KCNN2: variants seen among roughly 807,000 people sequenced by gnomAD.
KCNN2 encodes the protein small conductance calcium-activated potassium channel protein 2.
A neutral mutation model predicts 55.5 loss-of-function variants in KCNN2; 24 were observed. That is an observed-to-expected ratio of 0.43 (90% CI 0.31 to 0.61). The LOEUF (loss-of-function observed/expected upper bound fraction) is 0.61. KCNN2 is among the 20% of genes least tolerant of loss of function. KCNN2 has a pLI of 0.08. For missense variants in KCNN2, 754 were observed against 853.6 expected (o/e 0.88, Z 1.45); for synonymous variants, 431 against 336.1 (o/e 1.28, Z -3.09).
chr5:114,178,420 T>G (rs971864336), intron 1 of KCNN2, among the ~76,000 whole-genome samples: 10 of 152,130 alleles, frequency 6.6e-5, no homozygotes, highest in African/African-American at 2.4e-4. Context: ...CAGGAAAAAC[T>G]GTATGTGGTC....
intron 3 of KCNN2, among the ~76,000 whole-genome samples, chr5:114,447,139 A>G (rs1216457889): frequency 6.6e-6 from 1 of 152,184 alleles, no homozygotes; most frequent in Non-Finnish European, 1.5e-5. Flanking sequence ...GATATTTCCT[A>G]TAAGCTTCCT....
intron 1 of KCNN2, among the ~76,000 whole-genome samples, chr5:114,197,075 C>A (rs115396775): frequency 0.016 from 2,429 of 152,090 alleles, 68 homozygotes; most frequent in African/African-American, 0.056. Context: ...CTTCTAATAT[C>A]CCTTATGATT....
At chr5:114,482,887 G>A (rs540641244) in intron 5 of KCNN2, among the ~76,000 whole-genome samples, 1 of 152,214 alleles carries the variant, frequency 6.6e-6, no homozygotes, top group Non-Finnish European at 1.5e-5. Context: ...TGGAGGAGGG[G>A]GTAGGGGGAG....
intron 1 of KCNN2, among the ~76,000 whole-genome samples, chr5:114,124,826 T>C (rs1751898556): frequency 6.6e-6 from 1 of 152,256 alleles, no homozygotes; most frequent in African/African-American, 2.4e-5. Context: ...AAAATTGGTA[T>C]ACACCTCCAA....
chr5:114,197,691 G>A (rs2112568902), intron 1 of KCNN2, among the ~76,000 whole-genome samples: 1 of 152,238 alleles, frequency 6.6e-6, no homozygotes, highest in East Asian at 1.9e-4. Context: ...GCAGAATAGG[G>A]GTGGGAATGA....
intron 1 of KCNN2, among the ~76,000 whole-genome samples, chr5:114,162,682 TGCTGAAGCCTCAGCAATG>T: frequency 6.6e-6 from 1 of 152,308 alleles, no homozygotes; most frequent in African/African-American, 2.4e-5. Flanking sequence ...TTTGTTTACC[TGCTGAAGCCTCAGCAATG>T]GCAGGCACCC....
intron 2 of KCNN2, among the ~76,000 whole-genome samples, chr5:114,339,014 G>A (rs1312946028): frequency 6.6e-6 from 1 of 152,250 alleles, no homozygotes; most frequent in Non-Finnish European, 1.5e-5. Flanking sequence ...GAATTATGCG[G>A]TCAGTCATTG....
At chr5:114,125,451 G>T (rs1387548237) in intron 1 of KCNN2, among the ~76,000 whole-genome samples, 1 of 152,124 alleles carries the variant, frequency 6.6e-6, no homozygotes, top group Non-Finnish European at 1.5e-5. Flanking sequence ...GAATTTGTAG[G>T]GAGTGTTGCT....
chr5:114,250,695 T>G (rs1754840301), intron 2 of KCNN2, among the ~76,000 whole-genome samples: 1 of 151,874 alleles, frequency 6.6e-6, no homozygotes, highest in South Asian at 2.1e-4. Flanking sequence ...CAGGCAAGAG[T>G]CTGTGAAATG....
chr5:114,273,552 G>A (rs762920524), intron 2 of KCNN2, among the ~76,000 whole-genome samples: 2 of 152,128 alleles, frequency 1.3e-5, no homozygotes, highest in Non-Finnish European at 2.9e-5. Context: ...CATTCTAACT[G>A]GCATGAGATG....
At chr5:114,138,215 T>C (rs1752209442) in intron 1 of KCNN2, among the ~76,000 whole-genome samples, 1 of 152,178 alleles carries the variant, frequency 6.6e-6, no homozygotes, top group African/African-American at 2.4e-5. Context: ...GGAATCTTCT[T>C]AATGTACTTT....
chr5:114,296,291 A>T (rs1053119961), intron 2 of KCNN2, among the ~76,000 whole-genome samples: 6 of 152,218 alleles, frequency 3.9e-5, no homozygotes, highest in African/African-American at 1.4e-4. Flanking sequence ...TCCTGGTGGC[A>T]TCTTGGGCCC....
intron 2 of KCNN2, among the ~76,000 whole-genome samples, chr5:114,228,653 G>C (rs907477042): frequency 9.9e-5 from 15 of 152,008 alleles, no homozygotes; most frequent in African/African-American, 3.6e-4. Context: ...TGATATATAA[G>C]TTGAGCTTTC....
chr5:114,147,746 C>A (rs1752428101), intron 1 of KCNN2, among the ~76,000 whole-genome samples: 1 of 152,122 alleles, frequency 6.6e-6, no homozygotes, highest in Non-Finnish European at 1.5e-5. Context: ...TAATTGATGT[C>A]ACCTAGTAAT....
At chr5:114,343,360 A>G (rs1199920855) in intron 2 of KCNN2, among the ~76,000 whole-genome samples, 1 of 152,114 alleles carries the variant, frequency 6.6e-6, no homozygotes, top group Non-Finnish European at 1.5e-5. Context: ...GAGATATACT[A>G]TTTTCCAAGT....
intron 2 of KCNN2, among the ~76,000 whole-genome samples, chr5:114,375,244 T>G (rs1391319493): frequency 6.6e-6 from 1 of 152,104 alleles, no homozygotes; most frequent in African/African-American, 2.4e-5. Flanking sequence ...GTAGAGTGTT[T>G]AAGAAATTAA....
chr5:114,401,349 T>G (rs1311987991), intron 2 of KCNN2, among the ~76,000 whole-genome samples: 3 of 152,184 alleles, frequency 2.0e-5, no homozygotes, highest in Non-Finnish European at 4.4e-5. Context: ...TGACTTATTA[T>G]TTAGGTGAAT....
chr5:114,465,844 A>C (rs1001273239), intron 4 of KCNN2, among the ~76,000 whole-genome samples: 1 of 152,188 alleles, frequency 6.6e-6, no homozygotes, highest in African/African-American at 2.4e-5. Flanking sequence ...AGAGAAATTC[A>C]CTAATATTTG....
chr5:114,280,429 T>C (rs899071448), intron 2 of KCNN2, among the ~76,000 whole-genome samples: 1 of 152,166 alleles, frequency 6.6e-6, no homozygotes, highest in Non-Finnish European at 1.5e-5. Flanking sequence ...TTTTTATGGT[T>C]TTAGGTCTAA....
Sources: allele counts gnomAD v4.1 joint callset (sites outside exome capture counted in the v4.1 genomes callset), GRCh38; gene constraint gnomAD v4.1.1; transcripts MANE v1.5; gene names NCBI Gene and HGNC (gene_info 2026-07-23, HGNC 2026-07-21).